Variants in ERBB4 observed in about 807,000 individuals in gnomAD.
The protein encoded by ERBB4 is receptor tyrosine-protein kinase erbB-4.
ERBB4 carries 42 observed loss-of-function variants against 158.0 expected under a neutral mutation model. The ratio of observed to expected loss-of-function variants is 0.27; its 90% confidence interval spans 0.21 to 0.34. ERBB4 has a LOEUF of 0.34. Among genes scored for constraint, ERBB4 ranks in the 10% least tolerant of loss-of-function variants. ERBB4 has a pLI of 1.00. For missense variants in ERBB4, 1,333 were observed against 1,624.1 expected (o/e 0.82, Z 3.08); for synonymous variants, 583 against 558.7 (o/e 1.04, Z -0.61).
At chr2:212,002,237 A>G (rs566942919) in intron 2 of ERBB4, among the ~76,000 whole-genome samples, 43 of 152,334 alleles carry the variant, frequency 2.8e-4, no homozygotes, top group African/African-American at 1.0e-3. Context: ...GACTAGATGG[A>G]ATCAGCTCTA....
intron 16 of ERBB4, among the ~76,000 whole-genome samples, chr2:211,639,040 C>T (rs544014522): frequency 7.9e-5 from 12 of 152,170 alleles, no homozygotes; most frequent in African/African-American, 1.2e-4. Context: ...AAACGAATTA[C>T]GCCAGGAAGA....
chr2:211,777,411 C>A (rs1471838191), intron 4 of ERBB4: 1 of 152,144 alleles, frequency 6.6e-6, no homozygotes, highest in African/African-American at 2.4e-5. Flanking sequence ...TAATTTATGA[C>A]CCAAACATTA....
chr2:212,259,021 T>C (rs995653426), intron 1 of ERBB4, among the ~76,000 whole-genome samples: 1 of 152,172 alleles, frequency 6.6e-6, no homozygotes, highest in Admixed American at 6.5e-5. Context: ...GACTTATGGA[T>C]GGACCAATTG....
intron 19 of ERBB4, among the ~76,000 whole-genome samples, chr2:211,591,282 G>A (rs773751725): frequency 2.0e-5 from 3 of 152,152 alleles, no homozygotes; most frequent in African/African-American, 4.8e-5. Context: ...ATCTGCCAAC[G>A]AAGGGGGATA....
chr2:212,101,592 T>C (rs1425451530), intron 2 of ERBB4, among the ~76,000 whole-genome samples: 2 of 151,636 alleles, frequency 1.3e-5, no homozygotes, highest in Non-Finnish European at 1.5e-5. Flanking sequence ...AGAATTAAAA[T>C]TGAAAAACAC....
chr2:212,139,480 T>C (rs1047541538), intron 1 of ERBB4, among the ~76,000 whole-genome samples: 2 of 152,020 alleles, frequency 1.3e-5, no homozygotes, highest in African/African-American at 2.4e-5. Context: ...AAATATCTCA[T>C]ATCACACTAA....
intron 2 of ERBB4, among the ~76,000 whole-genome samples, chr2:212,071,111 T>C (rs941501342): frequency 1.3e-5 from 2 of 151,880 alleles, no homozygotes; most frequent in African/African-American, 4.8e-5. Flanking sequence ...GAGGGGGGTG[T>C]TACAAAATAA....
intron 2 of ERBB4, among the ~76,000 whole-genome samples, chr2:211,981,916 C>T (rs1559242298): frequency 6.6e-6 from 1 of 152,066 alleles, no homozygotes; most frequent in Non-Finnish European, 1.5e-5. Flanking sequence ...CTTTTATCTG[C>T]TCAGTGAGAA....
At chr2:211,551,934 G>A (rs1407504467) in intron 20 of ERBB4, among the ~76,000 whole-genome samples, 1 of 152,170 alleles carries the variant, frequency 6.6e-6, no homozygotes, top group Admixed American at 6.5e-5. Context: ...ACATATTCAA[G>A]CCTTAAGGAA....
intron 1 of ERBB4, among the ~76,000 whole-genome samples, chr2:212,413,568 C>T (rs995212196): frequency 6.6e-6 from 1 of 151,606 alleles, no homozygotes; most frequent in Admixed American, 6.6e-5. Context: ...GTTTGTATAC[C>T]TTATTTGTCT....
At chr2:211,896,679 T>C (rs1440631713) in intron 3 of ERBB4, among the ~76,000 whole-genome samples, 4 of 152,110 alleles carry the variant, frequency 2.6e-5, no homozygotes, top group Non-Finnish European at 4.4e-5. Flanking sequence ...TTGTCATTTT[T>C]AAAATGACAA....
chr2:212,187,590 C>T (rs6750804), intron 1 of ERBB4, among the ~76,000 whole-genome samples: 2,727 of 152,014 alleles, frequency 0.018, 89 homozygotes, highest in African/African-American at 0.063. Context: ...ACAAGAATAT[C>T]AGTCTTAAAT....
intron 1 of ERBB4, among the ~76,000 whole-genome samples, chr2:212,176,538 AATGT>A (rs373098972): frequency 1.9e-4 from 29 of 152,084 alleles, no homozygotes; most frequent in African/African-American, 7.0e-4. Context: ...TTAGGAAATA[AATGT>A]ATGTTGTTTA....
chr2:211,789,793 G>A lies in ERBB4; in HGVS notation c.422-1634C>T, dbSNP rs139753192. On this transcript the variant is annotated intron_variant, in intron 3 of 27. Transcript: ENST00000342788. ...TGTAGGAGTCATCTTCAACTGAAGA[G>A]AGATAAATGAAAGGAACGTGTCACA... 4.6e-4 allele frequency among the ~76,000 whole-genome samples: 70 copies of A among 152,204 alleles called. No individual in the cohort carries two copies. The East Asian group carries it at 0.014, about 29-fold the overall frequency.
chr2:211,601,436 C>T (rs1284925279), intron 19 of ERBB4, among the ~76,000 whole-genome samples: 2 of 151,554 alleles, frequency 1.3e-5, no homozygotes, highest in East Asian at 1.9e-4. Context: ...CATAAGTTTC[C>T]GGATTCAAAG....
chr2:212,498,139 T>G (rs1466659883), intron 1 of ERBB4, among the ~76,000 whole-genome samples: 1 of 152,096 alleles, frequency 6.6e-6, no homozygotes, highest in Non-Finnish European at 1.5e-5. Context: ...TGTGTGTATG[T>G]GTGCACAGCC....
chr2:211,852,857 A>G (rs138860110), intron 3 of ERBB4, among the ~76,000 whole-genome samples: 574 of 152,024 alleles, frequency 3.8e-3, no homozygotes, highest in African/African-American at 0.013. Context: ...GAGTTGCAAG[A>G]TCCTTTCTCT....
chr2:211,894,900 C>G (rs1196612713), intron 3 of ERBB4, among the ~76,000 whole-genome samples: 1 of 152,144 alleles, frequency 6.6e-6, no homozygotes, highest in African/African-American at 2.4e-5. Flanking sequence ...GTAGTAATCA[C>G]TAATATCTAA....
intron 15 of ERBB4, among the ~76,000 whole-genome samples, chr2:211,658,389 A>C (rs10932391): frequency 0.5 from 75,298 of 151,830 alleles, 19,339 homozygotes; most frequent in Middle Eastern, 0.63. Context: ...ATAAAAAAAA[A>C]ACAATAAGAA....
Sources: gnomAD v4.1 joint callset for allele counts (sites outside exome capture counted in the v4.1 genomes callset) on GRCh38, gnomAD v4.1.1 for gene constraint, MANE v1.5 for transcripts, NCBI Gene and HGNC (gene_info 2026-07-23, HGNC 2026-07-21) for gene names.